STS: variants seen among roughly 807,000 people sequenced by gnomAD.
The protein encoded by STS is steroid sulfatase, also known as steryl-sulfatase.
Under a neutral mutation model 26.8 loss-of-function variants are expected in STS, and 7 were observed. That is an observed-to-expected ratio of 0.26 (90% CI 0.15 to 0.49). The LOEUF is 0.49. STS is among the 20% of genes least tolerant of loss of function. The pLI is 0.98. For missense variants in STS, 434 were observed against 465.6 expected, an observed-to-expected ratio of 0.93 and a Z score of 0.63; for synonymous variants, 199 against 189.4, an observed-to-expected ratio of 1.05 and a Z score of -0.42.
intron 1 of STS, among the ~76,000 whole-genome samples, chrX:7,164,866 A>G (rs746210856): frequency 9.3e-6 from 1 of 107,200 alleles, no homozygotes; most frequent in South Asian, 4.3e-4. Context: ...ACACACACAC[A>G]CACAAAAAGA....
chrX:7,233,752 G>A (rs902230327), intron 2 of STS, among the ~76,000 whole-genome samples: 3 of 111,353 alleles, frequency 2.7e-5, no homozygotes, highest in Non-Finnish European at 3.8e-5. Context: ...AGATGCCCGG[G>A]CTGATTACCA....
chrX:7,339,939 T>G (rs1299222475), intron 10 of STS, among the ~76,000 whole-genome samples: 1 of 110,911 alleles, frequency 9.0e-6, no homozygotes, highest in Non-Finnish European at 1.9e-5. Context: ...GATCTAAGAT[T>G]ACACTAATAC....
intron 6 of STS, among the ~76,000 whole-genome samples, chrX:7,274,158 A>G (rs1364512463): frequency 8.9e-6 from 1 of 111,854 alleles, no homozygotes; most frequent in African/African-American, 3.3e-5. Flanking sequence ...AGGCTTCGTC[A>G]GGACTGTTCA....
chrX:7,255,050 A>C (rs911463667), intron 3 of STS, among the ~76,000 whole-genome samples: 2 of 112,590 alleles, frequency 1.8e-5, no homozygotes, highest in Non-Finnish European at 3.7e-5. Context: ...TATCAGACCA[A>C]ACAAAAATTA....
At chrX:7,276,583 A>T (rs1320629342) in intron 7 of STS, among the ~76,000 whole-genome samples, 1 of 112,702 alleles carries the variant, frequency 8.9e-6, no homozygotes, top group African/African-American at 3.2e-5. Context: ...ATGGACGAAA[A>T]GAGACAAAAC....
At chrX:7,295,965 A>G (rs1331689160) in intron 7 of STS, among the ~76,000 whole-genome samples, 1 of 111,661 alleles carries the variant, frequency 9.0e-6, no homozygotes, top group African/African-American at 3.3e-5. Flanking sequence ...GAGATGGTAA[A>G]ATCCAATGCA....
chrX:7,312,574 G>T (rs1926531274), intron 8 of STS, among the ~76,000 whole-genome samples: 1 of 111,174 alleles, frequency 9.0e-6, no homozygotes, highest in Non-Finnish European at 1.9e-5. Context: ...AGAGGTAATT[G>T]AATCATGGGG....
chrX:7,216,483 C>T (rs1921317970), intron 2 of STS, among the ~76,000 whole-genome samples: 1 of 112,249 alleles, frequency 8.9e-6, no homozygotes, highest in Admixed American at 9.4e-5. Context: ...GTCTGCAAGC[C>T]TCTCAAAGGC....
At chrX:7,319,708 T>C (rs764450115) in intron 8 of STS, among the ~76,000 whole-genome samples, 10 of 108,312 alleles carry the variant, frequency 9.2e-5, no homozygotes, top group Non-Finnish European at 1.3e-4. Context: ...CTAAATGTGG[T>C]TTACAAATAT....
intron 1 of STS, among the ~76,000 whole-genome samples, chrX:7,181,225 G>A (rs1364036157): frequency 1.8e-5 from 2 of 112,028 alleles, no homozygotes; most frequent in South Asian, 3.7e-4. Context: ...CAATATACTC[G>A]TGTAACAAAC....
intron 2 of STS, among the ~76,000 whole-genome samples, chrX:7,213,941 G>C (rs1214098440): frequency 9.0e-6 from 1 of 110,686 alleles, no homozygotes; most frequent in African/African-American, 3.3e-5. Context: ...AAGTTAGCCA[G>C]GCATGGTGGT....
chrX:7,167,849 G>A (rs1391835927), intron 1 of STS, among the ~76,000 whole-genome samples: 1 of 110,399 alleles, frequency 9.1e-6, no homozygotes, highest in Non-Finnish European at 1.9e-5. Flanking sequence ...CACCATGCCT[G>A]GCTAATTTTT....
intron 6 of STS, among the ~76,000 whole-genome samples, chrX:7,269,223 A>G (rs1924155330): frequency 1.1e-5 from 1 of 92,917 alleles, no homozygotes; most frequent in Admixed American, 1.3e-4. Context: ...TATTGTAACA[A>G]TACAGGTACT....
At chrX:7,333,217 C>G (rs1370761487) in intron 9 of STS, among the ~76,000 whole-genome samples, 2 of 112,281 alleles carry the variant, frequency 1.8e-5, no homozygotes, top group Non-Finnish European at 3.8e-5. Context: ...TGGCAATGGC[C>G]TAATGGTATC....
At chrX:7,179,053 TC>T (rs1267213990) in intron 1 of STS, among the ~76,000 whole-genome samples, 1 of 111,428 alleles carries the variant, frequency 9.0e-6, no homozygotes, top group East Asian at 2.8e-4. Context: ...TCTCTAGTCC[TC>T]ATGAAAGTAG....
chrX:7,239,344 C>T (rs1922480109), intron 2 of STS, among the ~76,000 whole-genome samples: 1 of 111,722 alleles, frequency 9.0e-6, no homozygotes, highest in Admixed American at 9.5e-5. Context: ...TTGGATTGAA[C>T]GAAGCTGCTT....
At chrX:7,194,615 A>G (rs1933937571) in intron 2 of STS, among the ~76,000 whole-genome samples, 1 of 111,492 alleles carries the variant, frequency 9.0e-6, no homozygotes, top group Non-Finnish European at 1.9e-5. Context: ...TTTAATGTTA[A>G]ACTGTAAACT....
chrX:7,161,107 C>T (rs1431690991), intron 1 of STS, among the ~76,000 whole-genome samples: 1 of 102,441 alleles, frequency 9.8e-6, no homozygotes, highest in Non-Finnish European at 2.0e-5. Context: ...AGGCATGTGC[C>T]ACTATGCCTG....
chrX:7,259,662 C>T lies in STS; in HGVS notation c.696C>T (p.Phe232=), dbSNP rs141419651. 2.1e-5 allele frequency: 25 copies of T among 1,209,046 alleles called. No individual in the cohort carries two copies. The African/African-American group carries it at 4.2e-4, about 20-fold the overall frequency. Reference sequence around the variant, plus strand: ...TTTTCTTGGGCTTCCTTCATTACTTCCGGCCCCTGAACTGCTTCATGATGA... The same window carrying T: ...TTTTCTTGGGCTTCCTTCATTACTTTCGGCCCCTGAACTGCTTCATGATGA... ...LTLFLGFLHY[F]RPLNCFMMRN... is the part of the protein sequence containing the mutation. Residue 232 remains phenylalanine, a synonymous_variant, in exon 6 of 11, where the codon TTC becomes TTT. Coordinates refer to ENST00000674429, the MANE Select transcript of STS (RefSeq NM_001320752.2).
Sources: allele counts gnomAD v4.1 joint callset (sites outside exome capture counted in the v4.1 genomes callset), GRCh38; gene constraint gnomAD v4.1.1; transcripts MANE v1.5; gene names NCBI Gene and HGNC (gene_info 2026-07-23, HGNC 2026-07-21).